The following RELB variants were observed in gnomAD, a reference collection of about 807,000 sequenced individuals.
The protein encoded by RELB is RELB proto-oncogene, NF-kB subunit, also known as transcription factor RelB.
In RELB, 14 loss-of-function variants were observed where a neutral mutation model predicts 55.4. The observed-to-expected ratio is 0.25, with a 90% CI of 0.17 to 0.40. The LOEUF is 0.40. Among genes scored for constraint, RELB ranks in the 10% least tolerant of loss-of-function variants. The pLI is 1.00. For missense variants in RELB, 669 were observed against 830.7 expected (o/e 0.81, Z 2.39); for synonymous variants, 409 against 371.3 (o/e 1.10, Z -1.17).
In RELB at chr19:45,011,965, G is replaced by A. The variant is rs372970638; in HGVS notation, c.193G>A (p.Gly65Ser). Residue 65 changes from glycine (G) to serine (S), a missense_variant, in exon 4 of 12, where the codon GGC (glycine) becomes AGC (serine). Transcript: ENST00000221452. ...CATCGACGAGTACATCAAGGAGAAC[G>A]GCTTCGGCCTGGACGGGGGACAGCC... ...EIIDEYIKEN[G>S]FGLDGGQPGP... is the part of the protein sequence containing the mutation. The A allele has an allele frequency of 1.9e-6, 3 of 1,560,922 alleles. No homozygotes were observed. Among genetic ancestry groups the A allele is most frequent in the Non-Finnish European group, 2.6e-6 (3 of 1,159,714 alleles).
At chr19:45,020,651 G>A (rs527603947) in intron 4 of RELB, among the ~76,000 whole-genome samples, 3 of 138,554 alleles carry the variant, frequency 2.2e-5, no homozygotes, top group East Asian at 2.3e-4. Flanking sequence ...TCCGCCTCCC[G>A]GGTTCACGCC....
At position 45,008,063 on chromosome 19, in the gene RELB, G is replaced by A. The variant is rs531438766; in HGVS notation, c.155-1751G>A. On this transcript the variant is annotated intron_variant, in intron 2 of 11. Transcript: ENST00000221452. ...TGTGCACCTGTAATCTCAGCTACTC[G>A]GGAGGCTGAGACAGGAGAATCACTT... is the stretch of plus-strand genomic sequence containing the variant. Among the ~76,000 whole-genome samples, 332 of 144,100 alleles carry A rather than the reference G, an allele frequency of 2.3e-3. 2 individuals carry two copies. The highest frequency in any genetic ancestry group is 4.2e-3 in the Non-Finnish European group (274 of 66,000). The allele number at this position is 144,100 out of a possible 152,430, so 94.5% of individuals were successfully genotyped here. A position where few individuals can be genotyped will look rare whatever the true frequency, so the allele number is the denominator to read the frequency against.
intron 4 of RELB, among the ~76,000 whole-genome samples, chr19:45,021,604 A>T (rs10417743): frequency 0.81 from 99,571 of 122,306 alleles, 40,798 homozygotes; most frequent in South Asian, 0.89. Context: ...TGAGACCGTC[A>T]TATTCTGTCA....
intron 8 of RELB, among the ~76,000 whole-genome samples, chr19:45,032,100 G>A (rs1015195913): frequency 6.6e-6 from 1 of 151,862 alleles, no homozygotes; most frequent in Admixed American, 6.6e-5. Context: ...GCTGGGCGTG[G>A]TTGCACATGC....
intron 4 of RELB, among the ~76,000 whole-genome samples, chr19:45,015,983 ATATTT>A (rs1971416821): frequency 2.6e-5 from 4 of 151,680 alleles, no homozygotes; most frequent in Admixed American, 2.0e-4. Flanking sequence ...CCCAAAGTCC[ATATTT>A]TATTTTATTT....
At chr19:45,010,017 G>C (rs954995308) in intron 3 of RELB, among the ~76,000 whole-genome samples, 195 bp downstream of exon 3, 2 of 152,010 alleles carry the variant, frequency 1.3e-5, no homozygotes, top group Non-Finnish European at 2.9e-5. Context: ...CACTCAGCAC[G>C]CCGGGGGCTG....
intron 8 of RELB, 35 bp from the exon 9 acceptor site, chr19:45,032,499 T>C (rs1971636052): frequency 6.4e-7 from 1 of 1,551,580 alleles, no homozygotes; most frequent in Middle Eastern, 1.7e-4. Context: ...GGTCCAGATG[T>C]CCTGGCTTAG....
Position 45,003,335 on chromosome 19 carries a change from C to T in RELB, c.154+339C>T, listed in dbSNP as rs558785671. ...AAATACAAAAACAAAATTAGCCGGG[C>T]GTGGTGGCGGGCTCCTGTAGTCCCA... On this transcript the variant is annotated intron_variant, in intron 2 of 11. Transcript: ENST00000221452. 7.9e-5 allele frequency among the ~76,000 whole-genome samples: 12 copies of T among 151,792 alleles called. No individual in the cohort carries two copies. In the East Asian group the frequency reaches 2.3e-3, roughly 29 times the overall value.
At chr19:45,016,137 A>G (rs923704933) in intron 4 of RELB, among the ~76,000 whole-genome samples, 2 of 151,976 alleles carry the variant, frequency 1.3e-5, no homozygotes, top group Admixed American at 6.6e-5. Context: ...GGCACCTGCC[A>G]GCAGGCCCGG....
At chr19:45,008,077 G>A (rs1438156455) in intron 2 of RELB, among the ~76,000 whole-genome samples, 2 of 149,908 alleles carry the variant, frequency 1.3e-5, no homozygotes, top group African/African-American at 4.9e-5. Flanking sequence ...GGCTGAGACA[G>A]GAGAATCACT....
intron 4 of RELB, among the ~76,000 whole-genome samples, chr19:45,018,538 T>C (rs1971447404): frequency 6.6e-6 from 1 of 151,678 alleles, no homozygotes; most frequent in East Asian, 2.0e-4. Context: ...GCTGAGATCA[T>C]GCCATTGCAC....
chr19:45,022,175 G>A lies in RELB; in HGVS notation c.627G>A (p.Arg209=), dbSNP rs763597394. 4 of 1,610,070 alleles carry A rather than the reference G, an allele frequency of 2.5e-6. No homozygotes were observed. The African/African-American group carries it at 5.3e-5, about 22-fold the overall frequency. Residue 209 remains arginine, a synonymous_variant, in exon 5 of 12, where the codon AGG becomes AGA. Transcript: ENST00000221452. ...VGKDCTDGIC[R]VRLRPHVSPR... The stretch of plus-strand genomic sequence containing the variant: ...AAGACTGCACCGACGGCATCTGCAG[G>A]GTGCGGCTCCGGCCTCACGTCAGCC...
rs563421419 is a variant in RELB at position 45,021,260 on chromosome 19, T to C, written c.505-793T>C. 2.5e-3 allele frequency among the ~76,000 whole-genome samples: 379 copies of C among 151,566 alleles called. 2 individuals carry two copies. Among genetic ancestry groups the C allele is most frequent in the African/African-American group, 8.4e-3 (347 of 41,284 alleles). On this transcript the variant is annotated intron_variant, in intron 4 of 11. Transcript: ENST00000221452. Reference sequence around the variant, plus strand: ...AGGCCGAGGCGGGCGGATCACGAGGTCAGGAGATCGAGACCATCCTGGCGA... The same window carrying C: ...AGGCCGAGGCGGGCGGATCACGAGGCCAGGAGATCGAGACCATCCTGGCGA...
intron 4 of RELB, among the ~76,000 whole-genome samples, chr19:45,014,627 C>T (rs1186134241): frequency 6.6e-6 from 1 of 151,290 alleles, no homozygotes; most frequent in Non-Finnish European, 1.5e-5. Flanking sequence ...AAGCGATTCT[C>T]CTGCCTCAGC....
intron 5 of RELB, 120 bp downstream of exon 5, chr19:45,022,330 T>C (rs1330273806): frequency 4.1e-6 from 4 of 985,576 alleles, no homozygotes; most frequent in Non-Finnish European, 6.0e-6. Flanking sequence ...CACTGCCTCT[T>C]CTAGGTGGGA....
At chr19:45,033,698 A>G (rs1333889813) in intron 9 of RELB, among the ~76,000 whole-genome samples, 1 of 150,382 alleles carries the variant, frequency 6.6e-6, no homozygotes, top group Non-Finnish European at 1.5e-5. Flanking sequence ...ACCCGCCACC[A>G]TGCCCGGCTA....
At chr19:45,034,989 C>T (rs1225695750) in intron 11 of RELB, among the ~76,000 whole-genome samples, 6 of 151,810 alleles carry the variant, frequency 4.0e-5, no homozygotes, top group Admixed American at 3.9e-4. Context: ...TAAAGGCATA[C>T]ACCACCACAC....
chr19:45,030,702 T>A (rs1334328396), intron 8 of RELB, among the ~76,000 whole-genome samples: 3 of 151,868 alleles, frequency 2.0e-5, no homozygotes, highest in Admixed American at 6.6e-5. Context: ...GAGGCTGAGG[T>A]AGGAGGATTG....
chr19:45,022,836 A>G (rs989208580), intron 5 of RELB, among the ~76,000 whole-genome samples: 1 of 152,086 alleles, frequency 6.6e-6, no homozygotes, highest in African/African-American at 2.4e-5. Context: ...GGCATGAGCC[A>G]CCGTGCCGGC....
Sources: gnomAD v4.1 joint callset for allele counts (sites outside exome capture counted in the v4.1 genomes callset) on GRCh38, gnomAD v4.1.1 for gene constraint, MANE v1.5 for transcripts, NCBI Gene and HGNC (gene_info 2026-07-23, HGNC 2026-07-21) for gene names.